Variants in ZFP3 observed in about 807,000 individuals in gnomAD.
ZFP3 encodes the protein ZFP3 zinc finger protein, also known as zinc finger protein 3 homolog.
ZFP3 carries 18 observed loss-of-function variants against 36.7 expected under a neutral mutation model. The ratio of observed to expected loss-of-function variants is 0.49; its 90% CI spans 0.34 to 0.73. The LOEUF is 0.73. Among genes scored for constraint, ZFP3 ranks in the 30% least tolerant of loss-of-function variants. ZFP3 has a pLI of 0.01. For synonymous variants in ZFP3, 218 were observed against 199.0 expected (o/e 1.10, Z -0.81); for missense variants, 495 against 599.0 (o/e 0.83, Z 1.81).
Position 5,092,227 on chromosome 17 carries a change from T to G in ZFP3, c.723T>G (p.Ile241Met). 1.9e-6 allele frequency: 3 copies of G among 1,614,144 alleles called. No individual in the cohort carries two copies. The highest frequency in any genetic ancestry group is 2.5e-6 in the Non-Finnish European group (3 of 1,180,030). Residue 241 changes from isoleucine (I) to methionine (M), a missense_variant, in exon 2 of 2, where the codon ATT becomes ATG. By Grantham distance (10) the Ile-to-Met change is conservative. This residue lies in a region of ZFP3 where 103 missense variants were observed against 186.8 expected (regional missense o/e 0.55). Coordinates refer to ENST00000318833, the MANE Select transcript of ZFP3 (RefSeq NM_153018.3). The surrounding 1 kb of genome is among the most constrained non-coding windows in gnomAD (Gnocchi z 5.0). ...CCTTCAGTCAAAATTCAGCCCTTATTCTACACCAGAGAATCCATACTGGAG... is the reference window on the plus strand; with the variant it reads ...CCTTCAGTCAAAATTCAGCCCTTATGCTACACCAGAGAATCCATACTGGAG... ...GKAFSQNSAL[I>M]LHQRIHTGEK... is the part of the protein sequence containing the mutation.
At chr17:5,089,225 G>A (rs978678580) in intron 1 of ZFP3, among the ~76,000 whole-genome samples, 1 of 152,176 alleles carries the variant, frequency 6.6e-6, no homozygotes, top group African/African-American at 2.4e-5. Flanking sequence ...TGGCATTCCA[G>A]GATTGGTATG....
rs1040266758 is a variant in ZFP3, at chr17:5,095,694, C to T, written c.*2681C>T. On this transcript the variant is annotated 3_prime_UTR_variant, in exon 2 of 2. Coordinates refer to ENST00000318833, the MANE Select transcript of ZFP3 (RefSeq NM_153018.3). Reference sequence around the variant, plus strand: ...TGGCCAAACCAATGAAGGTTTTCCTCTTGTCCTCCCCTCTCAAGGCTCAGT... The same window carrying T: ...TGGCCAAACCAATGAAGGTTTTCCTTTTGTCCTCCCCTCTCAAGGCTCAGT... The T allele has an allele frequency of 1.2e-5, 2 of 166,336 alleles. No individual in the cohort carries two copies. The highest frequency in any genetic ancestry group is 1.9e-4 in the East Asian group (1 of 5,180). The allele number at this position is 166,336 out of a possible 1,614,324, so 10.3% of individuals were successfully genotyped here. A position where few individuals can be genotyped will look rare whatever the true frequency, so the allele number is the denominator to read the frequency against.
rs1256803713 is a variant in ZFP3 at position 5,095,248 on chromosome 17, T to C, written c.*2235T>C. 1 of 167,140 alleles carries C rather than the reference T, an allele frequency of 6.0e-6. No individual in the cohort carries two copies. Among genetic ancestry groups the C allele is most frequent in the African/African-American group, 2.4e-5 (1 of 41,470 alleles). 10.4% of individuals were successfully genotyped at this position (167,140 alleles called of 1,614,324 possible). On this transcript the variant is annotated 3_prime_UTR_variant, in exon 2 of 2. Transcript: ENST00000318833. ...TTGAGAAAAGGGTTGTACAAATAGA[T>C]GATTGCAGAGTTTCCACATCCTTCC...
chr17:5,091,349 G>A, intron 1 of ZFP3, 148 bp from the exon 2 acceptor site: 1 of 847,128 alleles, frequency 1.2e-6, no homozygotes, highest in Non-Finnish European at 1.8e-6. Context: ...CCAGGCTCAA[G>A]CAATCCTCCT....
chr17:5,089,133 C>T (rs929901157), intron 1 of ZFP3, among the ~76,000 whole-genome samples: 2 of 152,142 alleles, frequency 1.3e-5, no homozygotes, highest in African/African-American at 4.8e-5. Flanking sequence ...ATAGGTTTGG[C>T]CTCGTATAAT....
chr17:5,090,920 C>T lies in ZFP3; in HGVS notation c.-8-577C>T, dbSNP rs551257989. Among the ~76,000 whole-genome samples the T allele has an allele frequency of 2.1e-4, 32 of 152,248 alleles. 1 individual carries two copies. Among genetic ancestry groups the T allele is most frequent in the Admixed American group, 7.2e-4 (11 of 15,292 alleles). On this transcript the variant is annotated intron_variant, in intron 1 of 1. Coordinates refer to ENST00000318833, the MANE Select transcript of ZFP3 (RefSeq NM_153018.3). ...CTGAGCTCAAATGATCCGCCCGCCT[C>T]GGCCTCCCAAAGTGCTGGGATTACA...
intron 1 of ZFP3, among the ~76,000 whole-genome samples, chr17:5,081,164 C>G (rs1158700673): frequency 6.7e-6 from 1 of 150,108 alleles, no homozygotes; most frequent in African/African-American, 2.5e-5. Flanking sequence ...AATTTTGGCT[C>G]ACTGCAAGCT....
Position 5,092,814 on chromosome 17 carries a change from T to C in ZFP3, c.1310T>C (p.Leu437Pro), listed in dbSNP as rs1393607268. 1.9e-6 allele frequency: 3 copies of C among 1,614,194 alleles called. No individual in the cohort carries two copies. Among genetic ancestry groups the C allele is most frequent in the Middle Eastern group, 1.6e-4 (1 of 6,062 alleles). The change falls in exon 2 of 2, where the codon CTT becomes CCT. Residue 437 changes from leucine to proline, a missense_variant. Leu to Pro is a moderately conservative substitution (Grantham distance 98, BLOSUM62 -3). Transcript: ENST00000318833. The surrounding 1 kb of genome is among the most constrained non-coding windows in gnomAD (Gnocchi z 5.0). ...ACCTTTTGGGATAATTCTGAGCTGC[T>C]TCTCCACCAGAAAATTCATATTGGA... is the stretch of plus-strand genomic sequence containing the variant. ...ARTFWDNSEL[L>P]LHQKIHIGEK...
chr17:5,093,342 G>C lies in ZFP3; in HGVS notation c.*329G>C, dbSNP rs2072161287. The C allele has an allele frequency of 1.2e-5, 3 of 242,408 alleles. No individual in the cohort carries two copies. The East Asian group carries it at 2.8e-4, about 22-fold the overall frequency. The allele number at this position is 242,408 out of a possible 1,614,324, so 15.0% of individuals were successfully genotyped here. A position where few individuals can be genotyped will look rare whatever the true frequency, so the allele number is the denominator to read the frequency against. ...GCAGGCACTAATGAGGCACTTTTATGAATTATTCATTGAGAGGTTTCAGTG... is the reference window on the plus strand; with the variant it reads ...GCAGGCACTAATGAGGCACTTTTATCAATTATTCATTGAGAGGTTTCAGTG... On this transcript the variant is annotated 3_prime_UTR_variant, in exon 2 of 2. Transcript: ENST00000318833.
Position 5,092,863 on chromosome 17 carries a change from G to C in ZFP3, c.1359G>C (p.Glu453Asp). ...GAGAGAAACCTTATGAATGTAGCGA[G>C]TGTGAGAAAACATTTAGCCAGCATT... ...HIGEKPYECS[E>D]CEKTFSQHSQ... is the part of the protein sequence containing the mutation. Residue 453 changes from glutamate (E) to aspartate (D), a missense_variant, in exon 2 of 2, where the codon GAG becomes GAC. Coordinates refer to ENST00000318833, the MANE Select transcript of ZFP3 (RefSeq NM_153018.3). This position sits in a 1 kb window ranked among gnomAD's most constrained non-coding sequence, Gnocchi z 5.0. 1 of 1,614,092 alleles carries C rather than the reference G, an allele frequency of 6.2e-7. No homozygotes were observed. Among genetic ancestry groups the C allele is most frequent in the Non-Finnish European group, 8.5e-7 (1 of 1,180,000 alleles).
At chr17:5,081,953 T>C (rs1367099219) in intron 1 of ZFP3, among the ~76,000 whole-genome samples, 2 of 147,328 alleles carry the variant, frequency 1.4e-5, no homozygotes, top group East Asian at 4.4e-4. Flanking sequence ...GGCTCACGCC[T>C]GTAATCCTAG....
At chr17:5,088,515 C>T (rs1357322425) in intron 1 of ZFP3, among the ~76,000 whole-genome samples, 7 of 149,484 alleles carry the variant, frequency 4.7e-5, no homozygotes, top group East Asian at 1.9e-4. Context: ...GGGGTTTCAC[C>T]GTGTGAGCCA....
chr17:5,092,765 C>T lies in ZFP3; in HGVS notation c.1261C>T (p.His421Tyr), dbSNP rs777369092. 4.3e-6 allele frequency: 7 copies of T among 1,614,064 alleles called. No individual in the cohort carries two copies. In the Admixed American group the frequency reaches 1.2e-4, roughly 27 times the overall value. The change falls in exon 2 of 2, where the codon CAT (histidine) becomes TAT (tyrosine). Residue 421 changes from histidine (H) to tyrosine (Y), a missense_variant. Physicochemically the swap from His to Tyr is moderately conservative, Grantham distance 83. This residue lies in a region of ZFP3 where 163 missense variants were observed against 178.4 expected (regional missense o/e 0.91). Coordinates refer to ENST00000318833, the MANE Select transcript of ZFP3 (RefSeq NM_153018.3). This position sits in a 1 kb window ranked among gnomAD's most constrained non-coding sequence, Gnocchi z 5.0. ...GAGAATTCATACTGGAGAGAAACCC[C>T]ATCAATGTAATGAGTGTGCAAGAAC... is the stretch of plus-strand genomic sequence containing the variant. The part of the protein sequence containing the change: ...HQRIHTGEKP[H>Y]QCNECARTFW...
intron 1 of ZFP3, among the ~76,000 whole-genome samples, chr17:5,088,902 C>T (rs915863330): frequency 6.6e-6 from 1 of 152,180 alleles, no homozygotes; most frequent in South Asian, 2.1e-4. Flanking sequence ...ATTCCCATGC[C>T]CCCTTGAGAA....
chr17:5,092,361 G>T lies in ZFP3; in HGVS notation c.857G>T (p.Cys286Phe). Residue 286 changes from cysteine to phenylalanine, a missense_variant, in exon 2 of 2, where the codon TGT (cysteine) becomes TTT (phenylalanine). Cys to Phe is a radical substitution (Grantham distance 205, BLOSUM62 -2). Around this residue, in one of 3 missense-constraint regions of ZFP3, gnomAD observed 103 missense variants for 186.8 expected, o/e 0.55. Coordinates refer to ENST00000318833, the MANE Select transcript of ZFP3 (RefSeq NM_153018.3). This position sits in a 1 kb window ranked among gnomAD's most constrained non-coding sequence, Gnocchi z 5.0. The part of the protein sequence containing the change: ...TEERYHECNE[C>F]GKAFKHSSGL... ...GAAAGATACCATGAATGCAATGAGT[G>T]TGGCAAAGCCTTCAAGCATAGCTCA... 6.2e-7 allele frequency: 1 copy of T among 1,614,200 alleles called. No homozygotes were observed.
At position 5,094,205 on chromosome 17, in the gene ZFP3, T is replaced by C. The variant is rs748414214; in HGVS notation, c.*1192T>C. ...TTGGTTTTGCCCCTTGGCCTTGAAATTCTTTTTTCTTGAATAACTTTAAAA... is the reference window on the plus strand; with the variant it reads ...TTGGTTTTGCCCCTTGGCCTTGAAACTCTTTTTTCTTGAATAACTTTAAAA... On this transcript the variant is annotated 3_prime_UTR_variant, in exon 2 of 2. Coordinates refer to ENST00000318833, the MANE Select transcript of ZFP3 (RefSeq NM_153018.3). The C allele has an allele frequency of 6.0e-6, 1 of 167,150 alleles. No individual in the cohort carries two copies. The highest frequency in any genetic ancestry group is 1.5e-5 in the Non-Finnish European group (1 of 68,138). The allele number at this position is 167,150 out of a possible 1,614,324, so 10.4% of individuals were successfully genotyped here. A position where few individuals can be genotyped will look rare whatever the true frequency, so the allele number is the denominator to read the frequency against.
In ZFP3 at chr17:5,081,144, G is replaced by T. The variant is rs1431516316; in HGVS notation, c.-9+2569G>T. The stretch of plus-strand genomic sequence containing the variant: ...ATGGAGTCTCACTCTGCACTGGAGT[G>T]CAGTGGCACAATTTTGGCTCACTGC... On this transcript the variant is annotated intron_variant, in intron 1 of 1. Transcript: ENST00000318833. Among the ~76,000 whole-genome samples the T allele has an allele frequency of 4.7e-5, 7 of 147,842 alleles. No homozygotes were observed. In the East Asian group the frequency reaches 7.9e-4, roughly 17 times the overall value.
intron 1 of ZFP3, among the ~76,000 whole-genome samples, chr17:5,079,810 T>C: frequency 6.6e-6 from 1 of 151,858 alleles, no homozygotes; most frequent in Non-Finnish European, 1.5e-5. Flanking sequence ...GAGGCAAAGG[T>C]GGGCGGATCA....
At chr17:5,083,314 T>C (rs1362417148) in intron 1 of ZFP3, among the ~76,000 whole-genome samples, 2 of 152,086 alleles carry the variant, frequency 1.3e-5, no homozygotes, top group Non-Finnish European at 2.9e-5. Context: ...TCCCAGCACT[T>C]TGGGACGCCG....
Sources: allele counts gnomAD v4.1 joint callset (sites outside exome capture counted in the v4.1 genomes callset), GRCh38; gene constraint gnomAD v4.1.1; regional missense constraint gnomAD v4.1.1; non-coding constraint Gnocchi (gnomAD v3.1); transcripts MANE v1.5; gene names NCBI Gene and HGNC (gene_info 2026-07-23, HGNC 2026-07-21).